Variants in PCDHAC1 observed in about 807,000 individuals in gnomAD.
PCDHAC1 encodes protocadherin alpha subfamily C, 1.
In PCDHAC1, 42 loss-of-function variants were observed where a neutral mutation model predicts 60.0. The observed-to-expected ratio is 0.70, with a 90% CI of 0.55 to 0.90. PCDHAC1 has a LOEUF of 0.90. Ranked by LOEUF, PCDHAC1 falls within the 40% of genes least tolerant of loss-of-function variation. PCDHAC1 has a pLI of 0.00. For synonymous variants in PCDHAC1, 468 were observed against 499.3 expected (o/e 0.94, Z 0.84); for missense variants, 1,160 against 1,222.3 (o/e 0.95, Z 0.76).
intron 1 of PCDHAC1, among the ~76,000 whole-genome samples, chr5:140,955,244 G>A (rs1554221834): frequency 2.0e-5 from 3 of 152,072 alleles, no homozygotes; most frequent in South Asian, 2.1e-4. Flanking sequence ...GCTTAGGATC[G>A]GCTTGGCTAT....
rs1325390456 is a variant in PCDHAC1, at chr5:140,928,073, A to G, written c.1181A>G (p.Tyr394Cys). 8.7e-6 allele frequency: 14 copies of G among 1,614,066 alleles called. No homozygotes were observed. The highest frequency in any genetic ancestry group is 8.0e-5 in the African/African-American group (6 of 74,934). Residue 394 changes from tyrosine to cysteine, a missense_variant, in exon 1 of 4, where the codon TAC becomes TGC. Coordinates refer to ENST00000253807, the MANE Select transcript of PCDHAC1 (RefSeq NM_018898.5). ...PFQLTASFDN[Y>C]YSLLIDGPLD... ...CAGCTGACGGCTTCCTTTGACAACTACTACAGCCTGCTGATTGATGGGCCC... is the reference window on the plus strand; with the variant it reads ...CAGCTGACGGCTTCCTTTGACAACTGCTACAGCCTGCTGATTGATGGGCCC...
intron 1 of PCDHAC1, among the ~76,000 whole-genome samples, chr5:140,937,823 A>T (rs2091776135): frequency 6.6e-6 from 1 of 151,692 alleles, no homozygotes; most frequent in Admixed American, 6.6e-5. Context: ...GAGGCAGGAG[A>T]ATGGCATGAA....
In PCDHAC1 at chr5:140,928,547, A is replaced by T. The variant is rs782813761; in HGVS notation, c.1655A>T (p.Tyr552Phe). 5 of 1,614,206 alleles carry T rather than the reference A, an allele frequency of 3.1e-6. No individual in the cohort carries two copies. Among genetic ancestry groups the T allele is most frequent in the Middle Eastern group, 3.3e-4 (2 of 6,062 alleles). ...TTTGTGGTAGATAGGAATGACAATT[A>T]TCCGGTTATCTTGTTTCCCTTGCCC... ...NLFVVDRNDN[Y>F]PVILFPLPRN... Residue 552 changes from tyrosine (Y) to phenylalanine (F), a missense_variant, in exon 1 of 4, where the codon TAT becomes TTT. Tyr to Phe is a conservative substitution (Grantham distance 22). This residue lies in a region of PCDHAC1 where 1,113 missense variants were observed against 1,163.7 expected (regional missense o/e 0.96). Transcript: ENST00000253807.
intron 1 of PCDHAC1, among the ~76,000 whole-genome samples, chr5:140,972,732 C>T (rs2096552874): frequency 1.3e-5 from 2 of 149,646 alleles, no homozygotes; most frequent in Non-Finnish European, 3.0e-5. Flanking sequence ...GGCGTAATCC[C>T]GGCTCACTGC....
Position 141,010,445 on chromosome 5 carries a change from A to C in PCDHAC1, c.*508A>C. On this transcript the variant is annotated 3_prime_UTR_variant, in exon 4 of 4. Transcript: ENST00000253807. ...AAGGCAAGAAAACAAAGACAAATAA[A>C]CAGCGGAAGTTATCAGTATGGAGGG... 1.1e-6 allele frequency: 1 copy of C among 944,134 alleles called. No individual in the cohort carries two copies. The highest frequency in any genetic ancestry group is 1.5e-6 in the Non-Finnish European group (1 of 656,048). 58.5% of individuals were successfully genotyped at this position (944,134 alleles called of 1,614,324 possible).
At chr5:140,993,376 G>A (rs577656854) in intron 3 of PCDHAC1, among the ~76,000 whole-genome samples, 6 of 151,752 alleles carry the variant, frequency 4.0e-5, no homozygotes, top group Non-Finnish European at 7.4e-5. Context: ...CCTCCCAGCC[G>A]GGTCCCTGAA....
intron 1 of PCDHAC1, among the ~76,000 whole-genome samples, chr5:140,943,416 A>T (rs556948015): frequency 2.6e-5 from 4 of 152,286 alleles, no homozygotes; most frequent in African/African-American, 9.6e-5. Flanking sequence ...GACTAGAGGC[A>T]AGGGCTTTAA....
chr5:140,978,642 C>T (rs140934683), intron 1 of PCDHAC1, among the ~76,000 whole-genome samples: 126 of 152,354 alleles, frequency 8.3e-4, no homozygotes, highest in African/African-American at 2.8e-3. Context: ...TCAAAGCAGA[C>T]TGTTCTTCCC....
chr5:140,996,301 AC>A (rs1306218777), intron 3 of PCDHAC1, among the ~76,000 whole-genome samples: 1 of 152,240 alleles, frequency 6.6e-6, no homozygotes, highest in African/African-American at 2.4e-5. Context: ...ACAGATTGTA[AC>A]AAAGTAAGGG....
intron 3 of PCDHAC1, among the ~76,000 whole-genome samples, chr5:140,995,873 C>T (rs1554254864): frequency 6.6e-6 from 1 of 152,126 alleles, no homozygotes; most frequent in Non-Finnish European, 1.5e-5. Flanking sequence ...AATTGTGCAA[C>T]CTGTGCTTCA....
In PCDHAC1 at chr5:141,010,204, C is replaced by G. The variant is rs1238256859; in HGVS notation, c.*267C>G. ...GACCCAAGTTTCCTTTCTCCTCCGC[C>G]GCAAAGGAGAGGCTTCCCAGCCCCG... On this transcript the variant is annotated 3_prime_UTR_variant, in exon 4 of 4. Transcript: ENST00000253807. 1.3e-5 allele frequency: 20 copies of G among 1,551,852 alleles called. No homozygotes were observed. Among genetic ancestry groups the G allele is most frequent in the Non-Finnish European group, 1.7e-5 (20 of 1,147,056 alleles).
chr5:140,942,629 A>C (rs1401408646), intron 1 of PCDHAC1, among the ~76,000 whole-genome samples: 1 of 152,076 alleles, frequency 6.6e-6, no homozygotes, highest in Non-Finnish European at 1.5e-5. Flanking sequence ...TAAAAAAAAA[A>C]ATGGCAAAAG....
rs921095598 is a variant in PCDHAC1 at position 140,929,476 on chromosome 5, T to C, written c.2433+151T>C. 1.0e-5 allele frequency: 13 copies of C among 1,254,174 alleles called. No individual in the cohort carries two copies. In the African/African-American group the frequency reaches 2.0e-4, roughly 19 times the overall value. 77.7% of individuals were successfully genotyped at this position (1,254,174 alleles called of 1,614,324 possible). On this transcript the variant is annotated intron_variant, in intron 1 of 3. Coordinates refer to ENST00000253807, the MANE Select transcript of PCDHAC1 (RefSeq NM_018898.5). ...CTTCCTGTGCCAAGAAATCTGGAAG[T>C]ATAGAAGTATTAGAAGATTGCCCTA...
intron 3 of PCDHAC1, among the ~76,000 whole-genome samples, chr5:141,007,365 A>G (rs1027558453): frequency 6.7e-6 from 1 of 149,886 alleles, no homozygotes; most frequent in African/African-American, 2.5e-5. Context: ...AGCCTGGGCA[A>G]CATGATGGAA....
At chr5:140,999,033 G>A (rs1029128098) in intron 3 of PCDHAC1, among the ~76,000 whole-genome samples, 6 of 152,148 alleles carry the variant, frequency 3.9e-5, no homozygotes, top group African/African-American at 1.4e-4. Context: ...TTGATACTTC[G>A]TCCAGTGTGC....
At chr5:140,939,350 A>G (rs2153641006) in intron 1 of PCDHAC1, among the ~76,000 whole-genome samples, 1 of 152,266 alleles carries the variant, frequency 6.6e-6, no homozygotes, top group East Asian at 1.9e-4. Context: ...ATTTCAACTT[A>G]TGATTGCAAA....
intron 1 of PCDHAC1, chr5:140,966,540 C>G (rs1477712677): frequency 4.3e-6 from 2 of 462,788 alleles, no homozygotes; most frequent in African/African-American, 2.0e-5. Flanking sequence ...TTGAGCGACT[C>G]GGAGGCGAGC....
At chr5:140,941,244 T>TTTCG (rs2092953100) in intron 1 of PCDHAC1, among the ~76,000 whole-genome samples, 1 of 141,602 alleles carries the variant, frequency 7.1e-6, no homozygotes, top group South Asian at 2.3e-4. Context: ...TCTTTCTTTC[T>TTTCG]TTCTTTCTTT....
At chr5:140,945,762 G>A (rs570176768) in intron 1 of PCDHAC1, among the ~76,000 whole-genome samples, 122 of 152,196 alleles carry the variant, frequency 8.0e-4, no homozygotes, top group South Asian at 2.3e-3. Context: ...ATGGTGGTGG[G>A]ACAATTTGAT....
Sources: allele counts gnomAD v4.1 joint callset (sites outside exome capture counted in the v4.1 genomes callset), GRCh38; gene constraint gnomAD v4.1.1; regional missense constraint gnomAD v4.1.1; transcripts MANE v1.5; gene names NCBI Gene and HGNC (gene_info 2026-07-23, HGNC 2026-07-21).